Variants in UNC5D observed in about 807,000 individuals in gnomAD.
UNC5D encodes netrin receptor UNC5D.
UNC5D carries 39 observed loss-of-function variants against 105.4 expected under a neutral mutation model. That is an observed-to-expected ratio of 0.37 (90% confidence interval 0.29 to 0.48). UNC5D has a LOEUF of 0.48. UNC5D is among the 20% of genes least tolerant of loss of function. The pLI is 0.98. For missense variants in UNC5D, 991 were observed against 1,202.4 expected, an observed-to-expected ratio of 0.82 and a Z score of 2.60; for synonymous variants, 452 against 450.4, an observed-to-expected ratio of 1.00 and a Z score of -0.04.
intron 14 of UNC5D, among the ~76,000 whole-genome samples, chr8:35,760,589 T>C (rs1200035755): frequency 6.6e-6 from 1 of 152,110 alleles, no homozygotes; most frequent in Non-Finnish European, 1.5e-5. Context: ...TAGCCTACCA[T>C]AGTTTCTAAA....
chr8:35,588,866 C>A (rs1304020622), intron 3 of UNC5D, among the ~76,000 whole-genome samples: 2 of 152,114 alleles, frequency 1.3e-5, no homozygotes, highest in Admixed American at 1.3e-4. Flanking sequence ...TAAGGCAAAA[C>A]CCCGTCTCTA....
intron 4 of UNC5D, among the ~76,000 whole-genome samples, chr8:35,607,859 A>C (rs1416594429): frequency 6.7e-6 from 1 of 148,356 alleles, no homozygotes; most frequent in Admixed American, 6.6e-5. Context: ...CTAACCCCTA[A>C]CCCTAACCCT....
chr8:35,416,174 C>G (rs1303806502), intron 1 of UNC5D, among the ~76,000 whole-genome samples: 1 of 151,618 alleles, frequency 6.6e-6, no homozygotes, highest in Non-Finnish European at 1.5e-5. Context: ...ATCTATATAC[C>G]CACAGAAATT....
At chr8:35,334,798 G>A (rs756657682) in intron 1 of UNC5D, among the ~76,000 whole-genome samples, 7 of 152,120 alleles carry the variant, frequency 4.6e-5, no homozygotes, top group Admixed American at 1.3e-4. Context: ...ACAGGCATGA[G>A]CCACCACACC....
intron 7 of UNC5D, among the ~76,000 whole-genome samples, chr8:35,693,148 A>G (rs1826522453): frequency 6.6e-6 from 1 of 152,192 alleles, no homozygotes; most frequent in African/African-American, 2.4e-5. Flanking sequence ...AAAAGAAAAT[A>G]AAGCAGACAT....
intron 1 of UNC5D, among the ~76,000 whole-genome samples, chr8:35,420,062 G>A (rs1332877196): frequency 2.0e-5 from 3 of 152,030 alleles, no homozygotes; most frequent in Admixed American, 6.6e-5. Flanking sequence ...TGGAATAAAA[G>A]GCAATCAAAA....
At position 35,730,344 on chromosome 8, in the gene UNC5D, G is replaced by GT. The variant is rs1355618520; in HGVS notation, c.1682-663dup. Reference sequence around the variant, plus strand: ...TGATTTTATGGAAGTAAGGCTGCTAGTTTTTCCAATCTGACATTGACATGA... The same window carrying GT: ...TGATTTTATGGAAGTAAGGCTGCTAGTTTTTTCCAATCTGACATTGACATGA... On this transcript the variant is annotated intron_variant, in intron 10 of 16. Transcript: ENST00000404895. Among the ~76,000 whole-genome samples, 4 of 152,166 alleles carry GT rather than the reference G, an allele frequency of 2.6e-5. No individual in the cohort carries two copies. The East Asian group carries it at 7.7e-4, about 29-fold the overall frequency.
chr8:35,684,192 A>G (rs16884232), intron 5 of UNC5D, among the ~76,000 whole-genome samples: 2,155 of 152,302 alleles, frequency 0.014, 37 homozygotes, highest in African/African-American at 0.049. Flanking sequence ...GTTCCCAGCT[A>G]TTTAAGTAAA....
intron 1 of UNC5D, among the ~76,000 whole-genome samples, chr8:35,426,054 A>G (rs1409702646): frequency 1.3e-5 from 2 of 152,150 alleles, no homozygotes; most frequent in African/African-American, 4.8e-5. Flanking sequence ...ATGTTTAAAC[A>G]GTTAATTTTC....
At chr8:35,486,624 T>C (rs1014530354) in intron 1 of UNC5D, among the ~76,000 whole-genome samples, 4 of 152,142 alleles carry the variant, frequency 2.6e-5, no homozygotes, top group African/African-American at 9.7e-5. Flanking sequence ...AGCCAGACTG[T>C]CTATGATTTG....
chr8:35,498,546 T>C (rs1811762365), intron 1 of UNC5D, among the ~76,000 whole-genome samples: 1 of 152,106 alleles, frequency 6.6e-6, no homozygotes, highest in Non-Finnish European at 1.5e-5. Flanking sequence ...AAAGGCATAC[T>C]TGGAGGAACA....
intron 11 of UNC5D, among the ~76,000 whole-genome samples, chr8:35,745,883 CT>C (rs910532561): frequency 3.9e-5 from 6 of 151,958 alleles, no homozygotes; most frequent in Admixed American, 2.0e-4. Flanking sequence ...AATGTGTTAC[CT>C]TTTTTTTCCC....
intron 4 of UNC5D, among the ~76,000 whole-genome samples, chr8:35,601,230 G>A (rs1409857687): frequency 1.3e-5 from 2 of 152,090 alleles, no homozygotes; most frequent in Non-Finnish European, 2.9e-5. Context: ...AAGTCAGGTA[G>A]CATGATGCCT....
intron 1 of UNC5D, among the ~76,000 whole-genome samples, chr8:35,370,063 C>G (rs189009749): frequency 2.6e-5 from 4 of 152,206 alleles, no homozygotes; most frequent in Admixed American, 1.3e-4. Context: ...TGGTGATAGA[C>G]TTTTTATGCA....
At chr8:35,423,223 TGTGA>T in intron 1 of UNC5D, among the ~76,000 whole-genome samples, 1 of 152,182 alleles carries the variant, frequency 6.6e-6, no homozygotes, top group East Asian at 1.9e-4. Context: ...GAGTCCTCCT[TGTGA>T]GTGAGACTTA....
chr8:35,572,892 C>T (rs540926941), intron 3 of UNC5D, among the ~76,000 whole-genome samples: 1 of 151,836 alleles, frequency 6.6e-6, no homozygotes, highest in South Asian at 2.1e-4. Flanking sequence ...CAAGCTCCGC[C>T]TCCAGGGTTC....
chr8:35,491,045 G>A, intron 1 of UNC5D, among the ~76,000 whole-genome samples: 1 of 151,694 alleles, frequency 6.6e-6, no homozygotes, highest in East Asian at 1.9e-4. Flanking sequence ...AGCATGAATA[G>A]TCTTGGGTTA....
rs555948628 is a variant in UNC5D, at chr8:35,791,973, C to G, written c.*1410C>G. 1.3e-5 allele frequency: 2 copies of G among 152,206 alleles called. No homozygotes were observed. The highest frequency in any genetic ancestry group is 4.1e-4 in the South Asian group (2 of 4,830). 9.4% of individuals were successfully genotyped at this position (152,206 alleles called of 1,614,324 possible). On this transcript the variant is annotated 3_prime_UTR_variant, in exon 17 of 17. Coordinates refer to ENST00000404895, the MANE Select transcript of UNC5D (RefSeq NM_080872.4). ...GATGTCCTGGTAGACTAAAGGTGAA[C>G]AGATTTGCTCTTGCTCATCTTCTGG...
chr8:35,347,546 G>A (rs574894141), intron 1 of UNC5D, among the ~76,000 whole-genome samples: 3 of 151,974 alleles, frequency 2.0e-5, no homozygotes, highest in African/African-American at 7.2e-5. Flanking sequence ...AACCATAATT[G>A]TCTCCCCCAG....
Sources: allele counts gnomAD v4.1 joint callset (sites outside exome capture counted in the v4.1 genomes callset), GRCh38; gene constraint gnomAD v4.1.1; transcripts MANE v1.5; gene names NCBI Gene and HGNC (gene_info 2026-07-23, HGNC 2026-07-21).